The following SPTB variants were observed in gnomAD, a reference collection of about 807,000 sequenced individuals.
SPTB encodes spectrin beta chain, erythrocytic.
A neutral mutation model predicts 256.2 loss-of-function variants in SPTB; 45 were observed. The ratio of observed to expected loss-of-function variants is 0.18; its 90% CI spans 0.14 to 0.23. The LOEUF is 0.23. Ranked by LOEUF, SPTB falls within the 10% of genes least tolerant of loss-of-function variation. SPTB has a pLI of 1.00. For synonymous variants in SPTB, 1,231 were observed against 1,243.1 expected, an observed-to-expected ratio of 0.99 and a Z score of 0.21; for missense variants, 2,715 against 3,040.4, an observed-to-expected ratio of 0.89 and a Z score of 2.52.
In SPTB at chr14:64,793,613, C is replaced by T. The variant is rs756881722; in HGVS notation, c.2050G>A (p.Asp684Asn). Residue 684 changes from aspartate (D) to asparagine (N), a missense_variant, in exon 14 of 36, where the codon GAT (aspartate) becomes AAT (asparagine). By Grantham distance (23) the Asp-to-Asn change is conservative. Around this residue, in one of 4 missense-constraint regions of SPTB, gnomAD observed 2,239 missense variants for 2,384.4 expected, o/e 0.94. Transcript: ENST00000644917. The surrounding 1 kb of genome is among the most constrained non-coding windows in gnomAD (Gnocchi z 7.0). The stretch of plus-strand genomic sequence containing the variant: ...TGAGCATCCAGCCCACGGAGCTCAT[C>T]CTCAAAGGCCTTGTGCTTGCGCTGT... The part of the protein sequence containing the change: ...ILQRKHKAFE[D>N]ELRGLDAHLE... The T allele has an allele frequency of 4.7e-5, 76 of 1,614,180 alleles. No individual in the cohort carries two copies. The East Asian group carries it at 1.7e-3, about 36-fold the overall frequency.
intron 9 of SPTB, among the ~76,000 whole-genome samples, chr14:64,799,191 G>A (rs1438675717): frequency 6.6e-6 from 1 of 152,242 alleles, no homozygotes; most frequent in African/African-American, 2.4e-5. Flanking sequence ...GTATGCATGT[G>A]TGTGCACGGT....
Position 64,758,193 on chromosome 14 carries a change from C to T in SPTB, c.6346-4400G>A, listed in dbSNP as rs2082042712. 6.6e-6 allele frequency among the ~76,000 whole-genome samples: 1 copy of T among 152,254 alleles called. No homozygotes were observed. The highest frequency in any genetic ancestry group is 2.4e-5 in the African/African-American group (1 of 41,472). On this transcript the variant is annotated intron_variant, in intron 32 of 35. Coordinates refer to ENST00000644917, the MANE Select transcript of SPTB (RefSeq NM_001355436.2). The surrounding 1 kb of genome is among the most constrained non-coding windows in gnomAD (Gnocchi z 4.6). The stretch of plus-strand genomic sequence containing the variant: ...GGCTTTGCCGAGCAATTATTGTGGC[C>T]AGTGTCCTGTGGGGCTGGTGTAAGG...
intron 1 of SPTB, among the ~76,000 whole-genome samples, chr14:64,846,710 T>C (rs926105451): frequency 7.9e-5 from 12 of 152,218 alleles, no homozygotes; most frequent in Non-Finnish European, 1.5e-4. Flanking sequence ...TATAACTGAG[T>C]ATATTCAGGT....
intron 1 of SPTB, among the ~76,000 whole-genome samples, chr14:64,851,320 T>G (rs1328135424): frequency 1.3e-5 from 2 of 152,246 alleles, no homozygotes; most frequent in Non-Finnish European, 2.9e-5. Flanking sequence ...TGTGCCTTTA[T>G]TTCTTCACCT....
chr14:64,794,716 G>A, intron 12 of SPTB, 99 bp from the exon 13 acceptor site: 1 of 1,497,990 alleles, frequency 6.7e-7, no homozygotes, highest in Non-Finnish European at 9.2e-7. Flanking sequence ...AGTAATCTGA[G>A]CAAGGGTGAG....
chr14:64,796,796 C>G lies in SPTB; in HGVS notation c.1183-81G>C. 6.4e-7 allele frequency: 1 copy of G among 1,553,682 alleles called. No individual in the cohort carries two copies. The highest frequency in any genetic ancestry group is 8.8e-7 in the Non-Finnish European group (1 of 1,131,174). On this transcript the variant is annotated intron_variant, in intron 10 of 35. Transcript: ENST00000644917. This position sits in a 1 kb window ranked among gnomAD's most constrained non-coding sequence, Gnocchi z 4.1. ...GGGGCTCCACCCCTTTCACCCAACACTGAGTGATTTCTGGAATCAAGGTAC... is the reference window on the plus strand; with the variant it reads ...GGGGCTCCACCCCTTTCACCCAACAGTGAGTGATTTCTGGAATCAAGGTAC...
chr14:64,791,986 G>C (rs1348695878), intron 14 of SPTB, 130 bp from the exon 15 acceptor site: 1 of 1,282,848 alleles, frequency 7.8e-7, no homozygotes, highest in East Asian at 2.5e-5. Flanking sequence ...ATTTGCCCAG[G>C]TGAGGCAGGA....
At position 64,823,063 on chromosome 14, in the gene SPTB, C is replaced by T; in HGVS notation, c.32G>A (p.Gly11Asp). Residue 11 changes from glycine to aspartate, a missense_variant, in exon 2 of 36, where the codon GGC becomes GAC. Transcript: ENST00000644917. This position sits in a 1 kb window ranked among gnomAD's most constrained non-coding sequence, Gnocchi z 6.5. Reference sequence around the variant, plus strand: ...GATCCTGCTGTAAGGTGGCTGGTTGCCCACATTTTCAAACTCTGTGGCCGA... The same window carrying T: ...GATCCTGCTGTAAGGTGGCTGGTTGTCCACATTTTCAAACTCTGTGGCCGA... MTSATEFENVGNQPPYSRINA... is the reference protein window; with the variant it reads MTSATEFENVDNQPPYSRINA... The T allele has an allele frequency of 1.2e-6, 2 of 1,614,160 alleles. No homozygotes were observed. The highest frequency in any genetic ancestry group is 1.7e-6 in the Non-Finnish European group (2 of 1,180,034).
At chr14:64,848,290 A>G (rs556323455) in intron 1 of SPTB, among the ~76,000 whole-genome samples, 1 of 152,146 alleles carries the variant, frequency 6.6e-6, no homozygotes, top group East Asian at 1.9e-4. Context: ...TATTGTGGAG[A>G]CCATTTTAAA....
At position 64,866,664 on chromosome 14, in the gene SPTB, C is replaced by T. The variant is rs1882201200; in HGVS notation, c.-52+13128G>A. On this transcript the variant is annotated intron_variant, in intron 1 of 35. Transcript: ENST00000644917. The surrounding 1 kb of genome is among the most constrained non-coding windows in gnomAD (Gnocchi z 4.6). Reference sequence around the variant, plus strand: ...AAAGGAACAAAACATGCTCAGAGGCCTGAGCAAGCAGAATTCGGGTGAGTC... The same window carrying T: ...AAAGGAACAAAACATGCTCAGAGGCTTGAGCAAGCAGAATTCGGGTGAGTC... Among the ~76,000 whole-genome samples, 1 of 152,036 alleles carries T rather than the reference C, an allele frequency of 6.6e-6. No homozygotes were observed. Among genetic ancestry groups the T allele is most frequent in the South Asian group, 2.1e-4 (1 of 4,818 alleles).
At position 64,785,033 on chromosome 14, in the gene SPTB, C is replaced by T. The variant is rs1032539783; in HGVS notation, c.3855+504G>A. Among the ~76,000 whole-genome samples, 4 of 152,152 alleles carry T rather than the reference C, an allele frequency of 2.6e-5. No individual in the cohort carries two copies. Among genetic ancestry groups the T allele is most frequent in the Non-Finnish European group, 4.4e-5 (3 of 68,034 alleles). On this transcript the variant is annotated intron_variant, in intron 18 of 35. Transcript: ENST00000644917. This position sits in a 1 kb window ranked among gnomAD's most constrained non-coding sequence, Gnocchi z 4.4. ...TTAAAATGTTCTTTCTCTGTCTCAC[C>T]CCGTAAAGTTCTGATTCATCTGGCC...
chr14:64,797,605 A>G (rs1382485613), intron 10 of SPTB, 124 bp downstream of exon 10: 1 of 868,634 alleles, frequency 1.2e-6, no homozygotes, highest in East Asian at 2.5e-5. Context: ...CAAATAGTCA[A>G]CATGTGGATT....
rs1023628624 is a variant in SPTB, at chr14:64,796,852, G to C, written c.1183-137C>G. The C allele has an allele frequency of 2.6e-6, 3 of 1,150,462 alleles. No individual in the cohort carries two copies. The highest frequency in any genetic ancestry group is 4.0e-5 in the Admixed American group (2 of 50,254). 71.3% of individuals were successfully genotyped at this position (1,150,462 alleles called of 1,614,324 possible). On this transcript the variant is annotated intron_variant, in intron 10 of 35. Coordinates refer to ENST00000644917, the MANE Select transcript of SPTB (RefSeq NM_001355436.2). The surrounding 1 kb of genome is among the most constrained non-coding windows in gnomAD (Gnocchi z 4.1). ...GATGCTCTTGGGTGACGTGGTAGCA[G>C]ATTAAAGATCAATAAAAGCCTTTGG...
In SPTB at chr14:64,824,858, C is replaced by T. The variant is rs531180872; in HGVS notation, c.-51-1713G>A. On this transcript the variant is annotated intron_variant, in intron 1 of 35. Coordinates refer to ENST00000644917, the MANE Select transcript of SPTB (RefSeq NM_001355436.2). This position sits in a 1 kb window ranked among gnomAD's most constrained non-coding sequence, Gnocchi z 5.7. ...TCACTTCAGACTGCATTTTCCCCAA[C>T]CTGATGAATCCATCCCACCACATCC... Among the ~76,000 whole-genome samples the T allele has an allele frequency of 1.1e-4, 17 of 152,166 alleles. No individual in the cohort carries two copies. The highest frequency in any genetic ancestry group is 2.1e-4 in the Non-Finnish European group (14 of 68,018).
chr14:64,862,704 T>A (rs757346377), intron 1 of SPTB, among the ~76,000 whole-genome samples: 8 of 151,884 alleles, frequency 5.3e-5, no homozygotes, highest in African/African-American at 9.7e-5. Flanking sequence ...TGAAACCCCG[T>A]CTCTACTAAA....
rs1018963908 is a variant in SPTB at position 64,853,905 on chromosome 14, T to G, written c.-52+25887A>C. Among the ~76,000 whole-genome samples, 5 of 152,154 alleles carry G rather than the reference T, an allele frequency of 3.3e-5. No homozygotes were observed. The highest frequency in any genetic ancestry group is 5.9e-5 in the Non-Finnish European group (4 of 68,038). On this transcript the variant is annotated intron_variant, in intron 1 of 35. Transcript: ENST00000644917. This position sits in a 1 kb window ranked among gnomAD's most constrained non-coding sequence, Gnocchi z 4.3. ...TATTAAAAATTTTTTTAGATACTTATCACTGGCCAGCCGCGGTGGCTCACG... is the reference window on the plus strand; with the variant it reads ...TATTAAAAATTTTTTTAGATACTTAGCACTGGCCAGCCGCGGTGGCTCACG...
intron 2 of SPTB, among the ~76,000 whole-genome samples, chr14:64,817,548 T>C (rs556993974): frequency 6.6e-6 from 1 of 152,320 alleles, no homozygotes; most frequent in East Asian, 1.9e-4. Context: ...TGGTGCCTTG[T>C]TCTCCAGCAG....
rs185884007 is a variant in SPTB at position 64,873,579 on chromosome 14, G to A, written c.-52+6213C>T. Among the ~76,000 whole-genome samples, 1 of 152,164 alleles carries A rather than the reference G, an allele frequency of 6.6e-6. No homozygotes were observed. The highest frequency in any genetic ancestry group is 1.5e-5 in the Non-Finnish European group (1 of 68,038). ...GAACAGCATCTGTGCATACTCTGGA[G>A]GGCCATTCTTGAGGTTCTGTGGCTA... On this transcript the variant is annotated intron_variant, in intron 1 of 35. Transcript: ENST00000644917. The surrounding 1 kb of genome is among the most constrained non-coding windows in gnomAD (Gnocchi z 4.3).
Position 64,760,719 on chromosome 14 carries a change from C to T in SPTB, c.6345+6007G>A, listed in dbSNP as rs1287153065. 6.6e-6 allele frequency among the ~76,000 whole-genome samples: 1 copy of T among 152,212 alleles called. No individual in the cohort carries two copies. Among genetic ancestry groups the T allele is most frequent in the Non-Finnish European group, 1.5e-5 (1 of 68,046 alleles). ...ATGATCACCTACTCAGTGCCAGCTGCTCTACCTACATTGTCTCTTCCAATC... is the reference window on the plus strand; with the variant it reads ...ATGATCACCTACTCAGTGCCAGCTGTTCTACCTACATTGTCTCTTCCAATC... On this transcript the variant is annotated intron_variant, in intron 32 of 35. Transcript: ENST00000644917. The surrounding 1 kb of genome is among the most constrained non-coding windows in gnomAD (Gnocchi z 4.3).
Sources: allele counts gnomAD v4.1 joint callset (sites outside exome capture counted in the v4.1 genomes callset), GRCh38; gene constraint gnomAD v4.1.1; regional missense constraint gnomAD v4.1.1; non-coding constraint Gnocchi (gnomAD v3.1); transcripts MANE v1.5; gene names NCBI Gene and HGNC (gene_info 2026-07-23, HGNC 2026-07-21).